Variants in ARHGAP29 observed in about 807,000 individuals in gnomAD.
ARHGAP29 encodes the protein rho GTPase-activating protein 29.
Under a neutral mutation model 122.6 loss-of-function variants are expected in ARHGAP29, and 43 were observed. That is an observed-to-expected ratio of 0.35 (90% CI 0.27 to 0.45). The LOEUF (loss-of-function observed/expected upper bound fraction) is 0.45, where lower values mean the gene tolerates loss of function less well. Ranked by LOEUF, ARHGAP29 falls within the 20% of genes least tolerant of loss-of-function variation. The pLI is 1.00. For synonymous variants in ARHGAP29, 506 were observed against 497.1 expected (o/e 1.02, Z -0.24); for missense variants, 1,303 against 1,477.2 (o/e 0.88, Z 1.93).
chr1:94,297,492 A>T, the ARHGAP29 span, among the ~76,000 whole-genome samples: 1 of 152,212 alleles, frequency 6.6e-6, no homozygotes, highest in Non-Finnish European at 1.5e-5. Flanking sequence ...CATAACTCCT[A>T]TGAAGTCCTG....
At chr1:94,237,715 A>G, upstream of ARHGAP29, 1 of 985,052 alleles carries the variant, frequency 1.0e-6, no homozygotes, top group Non-Finnish European at 1.2e-6. Flanking sequence ...TACGGGAGGC[A>G]ACTAGCTCGC....
At chr1:94,216,753 A>T (rs1297101714) in intron 3 of ARHGAP29, among the ~76,000 whole-genome samples, 1 of 152,216 alleles carries the variant, frequency 6.6e-6, no homozygotes, top group African/African-American at 2.4e-5. Flanking sequence ...TAGAAATAAG[A>T]TTGACCAAAA....
chr1:94,179,994 T>C (rs2101360022), intron 19 of ARHGAP29, 37 bp from the exon 20 acceptor site: 2 of 1,415,628 alleles, frequency 1.4e-6, no homozygotes, highest in East Asian at 4.6e-5. Flanking sequence ...AAGCATTCTA[T>C]TTTTTTCTGT....
chr1:94,299,813 G>C, the ARHGAP29 span, among the ~76,000 whole-genome samples: 2 of 152,136 alleles, frequency 1.3e-5, no homozygotes. Flanking sequence ...CCTGTGTTTG[G>C]ATGACCTTTC....
chr1:94,244,348 T>C (rs1042975269), intron 1 of ARHGAP29, among the ~76,000 whole-genome samples: 2 of 152,042 alleles, frequency 1.3e-5, no homozygotes, highest in African/African-American at 4.8e-5. Flanking sequence ...AATGCAAGCT[T>C]AGTTTAACAT....
At chr1:94,196,943 A>G (rs1650513957) in intron 12 of ARHGAP29, among the ~76,000 whole-genome samples, 1 of 152,218 alleles carries the variant, frequency 6.6e-6, no homozygotes, top group Non-Finnish European at 1.5e-5. Context: ...GAAGGTCTCA[A>G]TAAACAACAT....
chr1:94,255,835 A>C (rs894912092), intron 1 of ARHGAP29, among the ~76,000 whole-genome samples: 6 of 152,212 alleles, frequency 3.9e-5, no homozygotes, highest in Non-Finnish European at 8.8e-5. Flanking sequence ...TTAGTGTGGC[A>C]GTTTTAGGGA....
At chr1:94,179,328 G>A (rs777923148) in intron 20 of ARHGAP29, among the ~76,000 whole-genome samples, 4 of 152,144 alleles carry the variant, frequency 2.6e-5, no homozygotes, top group Non-Finnish European at 4.4e-5. Flanking sequence ...AGGCGCGGTG[G>A]CTCACGCCTG....
intron 12 of ARHGAP29, among the ~76,000 whole-genome samples, chr1:94,196,267 T>C (rs1219603110): frequency 7.2e-6 from 1 of 139,344 alleles, no homozygotes. Context: ...TTTTTTTTTT[T>C]TTTTTTTTTT....
chr1:94,293,763 G>A, the ARHGAP29 span, among the ~76,000 whole-genome samples: 275 of 152,318 alleles, frequency 1.8e-3, 1 homozygote, highest in Admixed American at 5.4e-3. Context: ...CCCTCCATGG[G>A]TGTGCCACCC....
chr1:94,186,474 G>C (rs1333084001), intron 16 of ARHGAP29, 25 bp downstream of exon 16: 1 of 1,528,190 alleles, frequency 6.5e-7, no homozygotes, highest in South Asian at 1.1e-5. Flanking sequence ...GGTTTAGTGG[G>C]ACTTAATTCA....
At chr1:94,240,425 T>G (rs754319842), upstream of ARHGAP29, among the ~76,000 whole-genome samples, 2 of 152,246 alleles carry the variant, frequency 1.3e-5, no homozygotes, top group Non-Finnish European at 2.9e-5. Context: ...CTCCCCTGAC[T>G]TGATTTTGTT....
the ARHGAP29 span, among the ~76,000 whole-genome samples, chr1:94,286,181 T>C: frequency 1.3e-5 from 2 of 152,306 alleles, no homozygotes; most frequent in Admixed American, 1.3e-4. Context: ...TCTTGCTGTG[T>C]CCTCACATGG....
At chr1:94,215,344 A>C (rs1651899237) in intron 3 of ARHGAP29, among the ~76,000 whole-genome samples, 1 of 151,824 alleles carries the variant, frequency 6.6e-6, no homozygotes, top group African/African-American at 2.4e-5. Flanking sequence ...ACCAGTAGAT[A>C]TTTTTTAGAA....
intron 3 of ARHGAP29, among the ~76,000 whole-genome samples, chr1:94,211,287 C>CAA (rs71094285): frequency 0.18 from 6,385 of 35,878 alleles, 2,184 homozygotes; most frequent in Non-Finnish European, 0.22. Flanking sequence ...GCTCTGGCTC[C>CAA]AAAAAAAAAA....
intron 3 of ARHGAP29, among the ~76,000 whole-genome samples, chr1:94,213,490 T>C (rs1651782697): frequency 1.3e-5 from 2 of 152,148 alleles, no homozygotes; most frequent in Admixed American, 6.5e-5. Context: ...CCTGGAAAAC[T>C]TTTTCTATAA....
At chr1:94,261,444 T>C (rs959421719) in intron 1 of ARHGAP29, among the ~76,000 whole-genome samples, 4 of 152,294 alleles carry the variant, frequency 2.6e-5, no homozygotes, top group Admixed American at 6.5e-5. Context: ...ATTAAGACGA[T>C]TTTGTAGTTT....
the ARHGAP29 span, among the ~76,000 whole-genome samples, chr1:94,309,481 G>T: frequency 3.9e-5 from 6 of 152,214 alleles, no homozygotes; most frequent in African/African-American, 1.4e-4. Flanking sequence ...ACTCACAGCC[G>T]TTCCAAACAT....
intron 1 of ARHGAP29, among the ~76,000 whole-genome samples, chr1:94,269,750 G>T (rs1004760506): frequency 1.3e-5 from 2 of 152,038 alleles, no homozygotes; most frequent in African/African-American, 2.4e-5. Context: ...GGTATAGTAG[G>T]GACTAAAGCT....
Sources: allele counts gnomAD v4.1 joint callset (sites outside exome capture counted in the v4.1 genomes callset), GRCh38; gene constraint gnomAD v4.1.1; transcripts MANE v1.5; gene names NCBI Gene and HGNC (gene_info 2026-07-23, HGNC 2026-07-21).